SKIC3: variants seen among roughly 807,000 people sequenced by gnomAD.
SKIC3 encodes superkiller complex protein 3.
chr5:95,473,362 A>AG, the SKIC3 span, among the ~76,000 whole-genome samples: 123,068 of 152,104 alleles, frequency 0.81, 50,131 homozygotes, highest in East Asian at 0.89. Flanking sequence ...AGCTCACTGC[A>AG]TCCCAACCTC....
chr5:95,509,123 G>T, the SKIC3 span, among the ~76,000 whole-genome samples: 1 of 152,168 alleles, frequency 6.6e-6, no homozygotes, highest in African/African-American at 2.4e-5. Flanking sequence ...TGTAATAATA[G>T]TATACAATGA....
the SKIC3 span, among the ~76,000 whole-genome samples, chr5:95,477,798 C>T: frequency 6.3e-4 from 96 of 152,196 alleles, no homozygotes; most frequent in Non-Finnish European, 1.2e-3. Flanking sequence ...TTTGCCCTCA[C>T]TCCCACTTAA....
chr5:95,536,729 G>GGTAGACAC, the SKIC3 span: 1 of 1,039,436 alleles, frequency 9.6e-7, no homozygotes, highest in Non-Finnish European at 1.5e-6. Context: ...CCTTAAACAT[G>GGTAGACAC]GTAGACACTA....
the SKIC3 span, chr5:95,554,770 C>T: frequency 6.3e-6 from 1 of 159,428 alleles, no homozygotes; most frequent in Non-Finnish European, 1.4e-5. Context: ...TAAGTGACAG[C>T]CGCGCCGCCA....
chr5:95,511,278 C>T, the SKIC3 span, among the ~76,000 whole-genome samples: 1 of 152,124 alleles, frequency 6.6e-6, no homozygotes, highest in Non-Finnish European at 1.5e-5. Context: ...GGCGTGGTGG[C>T]ACACACCTGT....
the SKIC3 span, chr5:95,513,650 A>G: frequency 1.2e-6 from 2 of 1,613,306 alleles, no homozygotes; most frequent in Non-Finnish European, 1.7e-6. Flanking sequence ...AAGAGCCTAT[A>G]AAAGGAAAAA....
the SKIC3 span, among the ~76,000 whole-genome samples, chr5:95,477,835 C>A: frequency 6.6e-6 from 1 of 152,092 alleles, no homozygotes; most frequent in Non-Finnish European, 1.5e-5. Flanking sequence ...ATTTTCCCTA[C>A]CAGCATGTAA....
At chr5:95,469,846 A>G in the SKIC3 span, 1 of 1,614,210 alleles carries the variant, frequency 6.2e-7, no homozygotes, top group Non-Finnish European at 8.5e-7. Flanking sequence ...ACAAAAGCAA[A>G]GCTTCAAGGC....
chr5:95,542,911 T>C, the SKIC3 span, among the ~76,000 whole-genome samples: 1 of 152,198 alleles, frequency 6.6e-6, no homozygotes, highest in Non-Finnish European at 1.5e-5. Context: ...AGAAGTCTTT[T>C]ATATGCACAT....
chr5:95,476,127 C>T, the SKIC3 span, among the ~76,000 whole-genome samples: 2 of 152,232 alleles, frequency 1.3e-5, no homozygotes, highest in Non-Finnish European at 2.9e-5. Context: ...GCATGCCCCA[C>T]TCTTGTCCTT....
the SKIC3 span, among the ~76,000 whole-genome samples, chr5:95,535,355 G>C: frequency 7.4e-6 from 1 of 134,478 alleles, no homozygotes; most frequent in Non-Finnish European, 1.5e-5. Flanking sequence ...CTTTCGCCCA[G>C]GCCGGAGTGC....
At chr5:95,526,485 T>A in the SKIC3 span, among the ~76,000 whole-genome samples, 1 of 152,090 alleles carries the variant, frequency 6.6e-6, no homozygotes, top group Non-Finnish European at 1.5e-5. Flanking sequence ...TTTTTTGTTT[T>A]TTGGAGAGAC....
chr5:95,545,638 T>C, the SKIC3 span, among the ~76,000 whole-genome samples: 18 of 152,188 alleles, frequency 1.2e-4, no homozygotes, highest in African/African-American at 4.3e-4. Flanking sequence ...GGTGAGAAAC[T>C]GCTTCTTGCT....
chr5:95,467,911 G>A, the SKIC3 span: 41 of 1,613,502 alleles, frequency 2.5e-5, no homozygotes, highest in Non-Finnish European at 3.4e-5. Flanking sequence ...GTCTCAGTAG[G>A]TACCAACGTG....
At chr5:95,495,321 CTG>C in the SKIC3 span, 2 of 310,148 alleles carry the variant, frequency 6.4e-6, no homozygotes, top group Non-Finnish European at 1.2e-5. Context: ...AATATAAAGA[CTG>C]AGAGAGATCA....
chr5:95,474,985 A>G, the SKIC3 span, among the ~76,000 whole-genome samples: 1 of 152,170 alleles, frequency 6.6e-6, no homozygotes, highest in African/African-American at 2.4e-5. Context: ...TAGGATGACT[A>G]TTTCACATTT....
At chr5:95,520,681 A>G in the SKIC3 span, 67 of 1,534,154 alleles carry the variant, frequency 4.4e-5, no homozygotes, top group Middle Eastern at 4.4e-4. Flanking sequence ...TTAATATTAC[A>G]AAAATAAACA....
At chr5:95,516,920 A>T in the SKIC3 span, 1 of 1,597,782 alleles carries the variant, frequency 6.3e-7, no homozygotes, top group Non-Finnish European at 8.5e-7. Context: ...CCATACATGT[A>T]AAGATTTCTC....
At chr5:95,491,044 CA>C in the SKIC3 span, 1 of 1,613,564 alleles carries the variant, frequency 6.2e-7, no homozygotes, top group Non-Finnish European at 8.5e-7. Context: ...CACCTGAAAA[CA>C]GGAAATACAC....
Sources: gnomAD v4.1 joint callset for allele counts (sites outside exome capture counted in the v4.1 genomes callset) on GRCh38, gnomAD v4.1.1 for gene constraint, MANE v1.5 for transcripts, NCBI Gene and HGNC (gene_info 2026-07-23, HGNC 2026-07-21) for gene names.